MAPK14: variants seen among roughly 807,000 people sequenced by gnomAD.
The protein encoded by MAPK14 is mitogen-activated protein kinase 14.
In MAPK14, 16 loss-of-function variants were observed where a neutral mutation model predicts 49.6. The ratio of observed to expected loss-of-function variants is 0.32; its 90% CI spans 0.22 to 0.49. MAPK14 has a LOEUF of 0.49. Among genes scored for constraint, MAPK14 ranks in the 20% least tolerant of loss-of-function variants. MAPK14 has a pLI of 0.99. For synonymous variants in MAPK14, 142 were observed against 158.0 expected (o/e 0.90, Z 0.76); for missense variants, 200 against 441.2 (o/e 0.45, Z 4.90).
chr6:36,075,562 G>C (rs1430138423), intron 6 of MAPK14, among the ~76,000 whole-genome samples: 1 of 152,198 alleles, frequency 6.6e-6, no homozygotes, highest in Non-Finnish European at 1.5e-5. Context: ...TAAAGCAACT[G>C]TGAATGTTTA....
intron 9 of MAPK14, chr6:36,100,155 A>C (rs1192241864): frequency 2.1e-6 from 3 of 1,433,498 alleles, no homozygotes; most frequent in Non-Finnish European, 3.0e-6. Flanking sequence ...TTTGCACTGT[A>C]TGTTTAACAA....
downstream of MAPK14, among the ~76,000 whole-genome samples, chr6:36,114,079 G>A (rs1322150813): frequency 1.3e-5 from 2 of 152,232 alleles, no homozygotes; most frequent in Admixed American, 1.3e-4. Flanking sequence ...CCTGTGCAGT[G>A]TAGGGTGTTA....
chr6:36,032,829 A>G (rs541610216), intron 1 of MAPK14, among the ~76,000 whole-genome samples: 4 of 152,248 alleles, frequency 2.6e-5, no homozygotes, highest in Non-Finnish European at 5.9e-5. Flanking sequence ...CATAAAAAGT[A>G]TATAACAAAA....
At chr6:36,114,476 G>A (rs539275686), downstream of MAPK14, among the ~76,000 whole-genome samples, 1 of 151,922 alleles carries the variant, frequency 6.6e-6, no homozygotes, top group South Asian at 2.1e-4. Flanking sequence ...AAATTAGCCG[G>A]GCTTGGTGGT....
intron 1 of MAPK14, among the ~76,000 whole-genome samples, chr6:36,029,433 C>T (rs950476652): frequency 6.6e-6 from 1 of 152,152 alleles, no homozygotes; most frequent in Non-Finnish European, 1.5e-5. Context: ...AGGTTTTATA[C>T]CCTGTATTTT....
At chr6:36,064,152 T>C (rs981603411) in intron 3 of MAPK14, among the ~76,000 whole-genome samples, 6 of 151,984 alleles carry the variant, frequency 3.9e-5, no homozygotes, top group African/African-American at 1.5e-4. Context: ...GCTGTTTTTA[T>C]TTTTTTGTAA....
intron 1 of MAPK14, among the ~76,000 whole-genome samples, chr6:36,044,890 T>A (rs552901070): frequency 2.6e-5 from 4 of 152,124 alleles, no homozygotes; most frequent in Non-Finnish European, 5.9e-5. Flanking sequence ...CCTGTACTTA[T>A]TGGGAGTCCA....
chr6:36,043,759 A>G (rs1030761264), intron 1 of MAPK14, among the ~76,000 whole-genome samples: 1 of 151,058 alleles, frequency 6.6e-6, no homozygotes, highest in Admixed American at 6.6e-5. Flanking sequence ...TGTTTTTGCA[A>G]ATTATTTCTT....
At chr6:36,098,906 A>C (rs1267542745) in intron 9 of MAPK14, among the ~76,000 whole-genome samples, 1 of 152,162 alleles carries the variant, frequency 6.6e-6, no homozygotes, top group Non-Finnish European at 1.5e-5. Context: ...TCTGGTATGG[A>C]TCTGTTAACG....
chr6:36,108,401 T>G lies in MAPK14; in HGVS notation c.1037T>G (p.Ile346Ser), dbSNP rs202086142. 3.6e-5 allele frequency: 58 copies of G among 1,613,926 alleles called. No individual in the cohort carries two copies. The highest frequency in any genetic ancestry group is 1.6e-4 in the Middle Eastern group (1 of 6,084). The change falls in exon 12 of 12, where the codon ATC becomes AGC. Residue 346 changes from isoleucine to serine, a missense_variant. Ile to Ser is a moderately radical substitution (Grantham distance 142, BLOSUM62 -2). This residue lies in a region of MAPK14 where 170 missense variants were observed against 407.0 expected (regional missense o/e 0.42). Transcript: ENST00000229794. ...CTAGGCCTGACCTATGATGAAGTCA[T>G]CAGCTTTGTGCCACCACCCCTTGAC... ...EWKSLTYDEV[I>S]SFVPPPLDQE...
intron 2 of MAPK14, among the ~76,000 whole-genome samples, chr6:36,058,855 TTG>T (rs1327886934): frequency 6.6e-6 from 1 of 150,802 alleles, no homozygotes; most frequent in Non-Finnish European, 1.5e-5. Flanking sequence ...GTACTCTAGC[TTG>T]TGTGTCAAGA....
At chr6:36,047,736 ATTT>A (rs143911159) in intron 1 of MAPK14, among the ~76,000 whole-genome samples, 1 of 137,676 alleles carries the variant, frequency 7.3e-6, no homozygotes, top group Admixed American at 7.3e-5. Flanking sequence ...TGCCTGACTA[ATTT>A]TTTTTTTTTT....
intron 9 of MAPK14, among the ~76,000 whole-genome samples, chr6:36,098,266 G>A (rs542047548): frequency 2.0e-5 from 3 of 152,324 alleles, no homozygotes; most frequent in Non-Finnish European, 4.4e-5. Context: ...ATTAGAATGA[G>A]CCATAGGAAA....
At chr6:36,038,490 G>T (rs1008768508) in intron 1 of MAPK14, among the ~76,000 whole-genome samples, 3 of 152,142 alleles carry the variant, frequency 2.0e-5, no homozygotes, top group African/African-American at 7.2e-5. Context: ...GCCTTGGAGG[G>T]TTATGACCAG....
intron 1 of MAPK14, among the ~76,000 whole-genome samples, chr6:36,051,603 C>T (rs1337915248): frequency 2.6e-5 from 4 of 152,044 alleles, no homozygotes; most frequent in East Asian, 1.9e-4. Context: ...TTTCTTTTTT[C>T]GTTTGTTTGC....
intron 2 of MAPK14, among the ~76,000 whole-genome samples, chr6:36,054,462 A>G (rs1294962688): frequency 1.3e-5 from 2 of 152,226 alleles, no homozygotes; most frequent in African/African-American, 4.8e-5. Context: ...TTTAATTTCT[A>G]TACATTGTTT....
chr6:36,030,563 T>A (rs1581720009), intron 1 of MAPK14, among the ~76,000 whole-genome samples: 1 of 151,778 alleles, frequency 6.6e-6, no homozygotes, highest in Non-Finnish European at 1.5e-5. Flanking sequence ...GGCGGGCGCC[T>A]GTACTCCCAG....
Position 36,102,659 on chromosome 6 carries a change from C to T in MAPK14, c.841+10C>T, listed in dbSNP as rs369030062. 5.6e-6 allele frequency: 9 copies of T among 1,612,678 alleles called. No homozygotes were observed. The East Asian group carries it at 8.9e-5, about 16-fold the overall frequency. On this transcript the variant is annotated intron_variant, in intron 10 of 11. Coordinates refer to ENST00000229794, the MANE Select transcript of MAPK14 (RefSeq NM_139012.3). ...GGTGCCAATCCCCTGGGTAAGTTGACCATATATCCTCACCTCATGGATATT... is the reference window on the plus strand; with the variant it reads ...GGTGCCAATCCCCTGGGTAAGTTGATCATATATCCTCACCTCATGGATATT...
intron 9 of MAPK14, among the ~76,000 whole-genome samples, chr6:36,098,652 A>G (rs1765529887): frequency 6.6e-6 from 1 of 152,194 alleles, no homozygotes; most frequent in Non-Finnish European, 1.5e-5. Context: ...GGATATAATA[A>G]CCTCTTTGAC....
Sources: gnomAD v4.1 joint callset for allele counts (sites outside exome capture counted in the v4.1 genomes callset) on GRCh38, gnomAD v4.1.1 for gene constraint, gnomAD v4.1.1 regional missense constraint, MANE v1.5 for transcripts, NCBI Gene and HGNC (gene_info 2026-07-23, HGNC 2026-07-21) for gene names.